PRDM16: variants seen among roughly 807,000 people sequenced by gnomAD.
PRDM16 encodes the protein PR/SET domain 16.
Under a neutral mutation model 110.6 loss-of-function variants are expected in PRDM16, and 23 were observed. The observed-to-expected ratio is 0.21, with a 90% confidence interval of 0.15 to 0.29. The LOEUF (loss-of-function observed/expected upper bound fraction) is 0.29. Ranked by LOEUF, PRDM16 falls within the 10% of genes least tolerant of loss-of-function variation. PRDM16 has a pLI of 1.00. For missense variants in PRDM16, 1,615 were observed against 1,794.3 expected (o/e 0.90, Z 1.81); for synonymous variants, 799 against 781.8 (o/e 1.02, Z -0.37).
intron 2 of PRDM16, among the ~76,000 whole-genome samples, chr1:3,194,103 C>A (rs980924498): frequency 6.6e-6 from 1 of 152,244 alleles, no homozygotes; most frequent in African/African-American, 2.4e-5. Flanking sequence ...TGTCCGGCAC[C>A]TGCACCAGAC....
chr1:3,318,398 GTTA>G (rs1396816630), intron 3 of PRDM16, among the ~76,000 whole-genome samples: 1 of 151,852 alleles, frequency 6.6e-6, no homozygotes, highest in Non-Finnish European at 1.5e-5. Flanking sequence ...CATTTCTGTT[GTTA>G]TTCTTATTCT....
Position 3,186,458 on chromosome 1 carries a change from C to A in PRDM16, c.371C>A (p.Thr124Lys). ...VVVPRAAAKE[T>K]DFGWEQILTD... ...GTGCCCCGGGCGGCGGCAAAGGAGA[C>A]AGACTTCGGATGGGAGGTGAGCGAT... The change falls in exon 2 of 17, where the codon ACA becomes AAA. Residue 124 changes from threonine to lysine, a missense_variant. Coordinates refer to ENST00000270722, the MANE Select transcript of PRDM16 (RefSeq NM_022114.4). The A allele has an allele frequency of 6.5e-7, 1 of 1,539,368 alleles. No individual in the cohort carries two copies. The highest frequency in any genetic ancestry group is 8.7e-7 in the Non-Finnish European group (1 of 1,143,688).
chr1:3,299,273 C>T (rs1460285335), intron 3 of PRDM16, among the ~76,000 whole-genome samples: 1 of 149,556 alleles, frequency 6.7e-6, no homozygotes, highest in Non-Finnish European at 1.5e-5. Context: ...GTGGCTCTGC[C>T]CTTGTTGAAG....
At chr1:3,387,029 C>T (rs549152673) in intron 4 of PRDM16, 4 of 152,242 alleles carry the variant, frequency 2.6e-5, no homozygotes, top group Admixed American at 6.5e-5. Context: ...ATTAATATTT[C>T]GGGGAAGCTT....
rs1010857176 is a variant in PRDM16, at chr1:3,436,605, T to TGGCCCCA, written c.*2803_*2809dup. ...CAAAACACGGCCCCGACACTTAGTG[T>TGGCCCCA]GGCCCCAGGCCCCAGCGAGCCTCGC... On this transcript the variant is annotated 3_prime_UTR_variant, in exon 17 of 17. Coordinates refer to ENST00000270722, the MANE Select transcript of PRDM16 (RefSeq NM_022114.4). 8.6e-5 allele frequency: 20 copies of TGGCCCCA among 231,982 alleles called. No homozygotes were observed. Among genetic ancestry groups the TGGCCCCA allele is most frequent in the African/African-American group, 3.3e-4 (15 of 45,334 alleles). The allele number at this position is 231,982 out of a possible 1,614,324, so 14.4% of individuals were successfully genotyped here.
chr1:3,217,767 C>T (rs12124147), intron 2 of PRDM16, among the ~76,000 whole-genome samples: 46,628 of 152,072 alleles, frequency 0.31, 9,356 homozygotes, highest in Non-Finnish European at 0.43. Flanking sequence ...GCCCAGTTTT[C>T]CTTGAGGCCC....
intron 3 of PRDM16, among the ~76,000 whole-genome samples, chr1:3,247,416 C>T (rs1349743882): frequency 6.6e-6 from 1 of 152,174 alleles, no homozygotes; most frequent in Non-Finnish European, 1.5e-5. Flanking sequence ...CGAGGGCGGC[C>T]GGGCCGAGGG....
rs1426713411 is a variant in PRDM16 at position 3,350,789 on chromosome 1, T to A, written c.439-34363T>A. 2.0e-5 allele frequency among the ~76,000 whole-genome samples: 3 copies of A among 152,144 alleles called. No individual in the cohort carries two copies. Among genetic ancestry groups the A allele is most frequent in the Non-Finnish European group, 4.4e-5 (3 of 68,014 alleles). On this transcript the variant is annotated intron_variant, in intron 3 of 16. Coordinates refer to ENST00000270722, the MANE Select transcript of PRDM16 (RefSeq NM_022114.4). This position sits in a 1 kb window ranked among gnomAD's most constrained non-coding sequence, Gnocchi z 7.1. ...TCTTCCCAATGCCGCGTCCAGTGTT[T>A]TCCTCTTTCTGGGCCTCAAACTCTT...
chr1:3,172,569 G>A (rs1644038130), intron 1 of PRDM16, among the ~76,000 whole-genome samples: 1 of 152,236 alleles, frequency 6.6e-6, no homozygotes, highest in Admixed American at 6.5e-5. Flanking sequence ...CACAGATGAA[G>A]AGACAAGCCA....
chr1:3,328,470 C>T (rs1185378621), intron 3 of PRDM16, among the ~76,000 whole-genome samples: 5 of 152,144 alleles, frequency 3.3e-5, no homozygotes, highest in African/African-American at 4.8e-5. Context: ...TTTCGTCACT[C>T]GCCTGGCAGC....
Position 3,183,237 on chromosome 1 carries a change from G to T in PRDM16, c.38-2888G>T, listed in dbSNP as rs1257910973. Among the ~76,000 whole-genome samples the T allele has an allele frequency of 2.0e-5, 3 of 152,204 alleles. No individual in the cohort carries two copies. The East Asian group carries it at 5.8e-4, about 29-fold the overall frequency. On this transcript the variant is annotated intron_variant, in intron 1 of 16. Coordinates refer to ENST00000270722, the MANE Select transcript of PRDM16 (RefSeq NM_022114.4). Reference sequence around the variant, plus strand: ...AACAAGCCTGTCCAGCAGGGCAGAGGGTCGGGCAGCCTCCTGAACTTGCTG... The same window carrying T: ...AACAAGCCTGTCCAGCAGGGCAGAGTGTCGGGCAGCCTCCTGAACTTGCTG...
chr1:3,319,313 C>T (rs1259595532), intron 3 of PRDM16, among the ~76,000 whole-genome samples: 2 of 152,174 alleles, frequency 1.3e-5, no homozygotes, highest in East Asian at 3.9e-4. Flanking sequence ...GGAGCTGGCA[C>T]CAAGGCTCAA....
rs1569785900 is a variant in PRDM16 at position 3,181,779 on chromosome 1, T to TGCAGTCTTACACACGCAGTCTTACACAC, written c.38-4333_38-4332insCGCAGTCTTACACACGCAGTCTTACACA. On this transcript the variant is annotated intron_variant, in intron 1 of 16. Coordinates refer to ENST00000270722, the MANE Select transcript of PRDM16 (RefSeq NM_022114.4). ...ACGGTCTTACACACAGTCTTACACATGCAGTCTTACACATGCAGTCTTACA... is the reference window on the plus strand; with the variant it reads ...ACGGTCTTACACACAGTCTTACACATGCAGTCTTACACACGCAGTCTTACACACGCAGTCTTACACATGCAGTCTTACA... Among the ~76,000 whole-genome samples, 7 of 84,310 alleles carry TGCAGTCTTACACACGCAGTCTTACACAC rather than the reference T, an allele frequency of 8.3e-5. No homozygotes were observed. In the South Asian group the frequency reaches 1.3e-3, roughly 15 times the overall value. The allele number at this position is 84,310 out of a possible 152,430, so 55.3% of individuals were successfully genotyped here.
chr1:3,089,858 G>A (rs1282955979), intron 1 of PRDM16, among the ~76,000 whole-genome samples: 1 of 152,168 alleles, frequency 6.6e-6, no homozygotes, highest in East Asian at 1.9e-4. Flanking sequence ...CCGGCCGACC[G>A]ACACCAGCTG....
At chr1:3,357,131 C>T (rs1192655302) in intron 3 of PRDM16, among the ~76,000 whole-genome samples, 2 of 152,134 alleles carry the variant, frequency 1.3e-5, no homozygotes, top group Non-Finnish European at 1.5e-5. Flanking sequence ...GGCTGCATGC[C>T]GGCCCTGTCT....
intron 12 of PRDM16, among the ~76,000 whole-genome samples, chr1:3,421,203 G>A (rs762949197): frequency 3.3e-5 from 5 of 152,188 alleles, no homozygotes; most frequent in Non-Finnish European, 5.9e-5. Context: ...TGTAGTGGCT[G>A]CAGGAGACCT....
intron 1 of PRDM16, among the ~76,000 whole-genome samples, chr1:3,092,300 G>A (rs943674074): frequency 9.1e-5 from 10 of 109,742 alleles, no homozygotes; most frequent in South Asian, 4.0e-4. Flanking sequence ...CGTGAGTCCC[G>A]AGGCAGAGGC....
chr1:3,112,101 C>T (rs1642809170), intron 1 of PRDM16, among the ~76,000 whole-genome samples: 2 of 152,180 alleles, frequency 1.3e-5, no homozygotes, highest in African/African-American at 4.8e-5. Flanking sequence ...CATCCACGCT[C>T]ACTAACTTGA....
At chr1:3,169,887 C>CG (rs1277212752) in intron 1 of PRDM16, among the ~76,000 whole-genome samples, 2 of 152,208 alleles carry the variant, frequency 1.3e-5, no homozygotes, top group Admixed American at 6.5e-5. Flanking sequence ...TGATTAATAG[C>CG]GGGGGGACTG....
Sources: allele counts gnomAD v4.1 joint callset (sites outside exome capture counted in the v4.1 genomes callset), GRCh38; gene constraint gnomAD v4.1.1; non-coding constraint Gnocchi (gnomAD v3.1); transcripts MANE v1.5; gene names NCBI Gene and HGNC (gene_info 2026-07-23, HGNC 2026-07-21).